Variants in ATF6B observed in about 807,000 individuals in gnomAD.
ATF6B encodes the protein activating transcription factor 6 beta.
ATF6B carries 50 observed loss-of-function variants against 83.5 expected under a neutral mutation model. The observed-to-expected ratio is 0.60, with a 90% CI of 0.48 to 0.76. The LOEUF (loss-of-function observed/expected upper bound fraction) is 0.76. Ranked by LOEUF, ATF6B falls within the 30% of genes least tolerant of loss-of-function variation. ATF6B has a pLI of 0.00. For missense variants in ATF6B, 790 were observed against 893.8 expected, an observed-to-expected ratio of 0.88 and a Z score of 1.48; for synonymous variants, 344 against 362.8, an observed-to-expected ratio of 0.95 and a Z score of 0.59.
At position 32,128,173 on chromosome 6, in the gene ATF6B, T is replaced by G. The variant is rs763900279; in HGVS notation, c.35A>C (p.Asp12Ala). The change falls in exon 1 of 18, where the codon GAC (aspartate) becomes GCC (alanine). Residue 12 changes from aspartate (D) to alanine (A), a missense_variant. By Grantham distance (126) the Asp-to-Ala change is moderately radical. Transcript: ENST00000375203. Reference protein sequence around the residue: ...AELMLLSEIADPTRFFTDNLL... With the variant: ...AELMLLSEIAAPTRFFTDNLL... ...GTTGTCGGTGAAGAAACGCGTCGGG[T>G]CAGCAATCTCGCTGAGCAGCATCAG... 8.4e-5 allele frequency: 136 copies of G among 1,612,272 alleles called. No homozygotes were observed. The highest frequency in any genetic ancestry group is 1.1e-4 in the Non-Finnish European group (132 of 1,179,790).
intron 5 of ATF6B, 35 bp downstream of exon 5, chr6:32,126,082 T>G (rs757401798): frequency 6.2e-7 from 1 of 1,613,452 alleles, no homozygotes; most frequent in African/African-American, 1.3e-5. Context: ...TCTCCCGTAG[T>G]AGAGCCAAGG....
In ATF6B at chr6:32,115,857, G is replaced by T; in HGVS notation, c.1994C>A (p.Ser665Ter). The T allele has an allele frequency of 3.7e-6, 6 of 1,614,176 alleles. No homozygotes were observed. The highest frequency in any genetic ancestry group is 5.1e-6 in the Non-Finnish European group (6 of 1,180,024). ...GGTTGGGGATGGCTGTTTTCGGAGC[G>T]AGGGGGGCACTGTGGAGGTCTTGAT... ...IHIKTSTVPP[S>*]LRKQPSPTPG... Residue 665 changes from serine (S) to a stop codon, truncating the protein, a stop_gained, in exon 18 of 18, where the codon TCG becomes TAG. Transcript: ENST00000375203. LOFTEE classifies it high-confidence loss of function.
rs1781500707 is a variant in ATF6B, at chr6:32,115,763, CTGG to C, written c.2085_2087del (p.His695del). ...GTCAGGGATGATTGAGGTAGAGGGG[CTGG>C]TGGGAGGCCTGGTGGGCCTGGCTGG... On this transcript the variant is annotated inframe_deletion, in exon 18 of 18. Transcript: ENST00000375203. The C allele has an allele frequency of 6.2e-7, 1 of 1,607,038 alleles. No homozygotes were observed. Among genetic ancestry groups the C allele is most frequent in the African/African-American group, 1.3e-5 (1 of 74,906 alleles).
In ATF6B at chr6:32,116,387, C is replaced by G; in HGVS notation, c.1882+93G>C. On this transcript the variant is annotated intron_variant, in intron 17 of 17. Coordinates refer to ENST00000375203, the MANE Select transcript of ATF6B (RefSeq NM_004381.5). The surrounding 1 kb of genome is among the most constrained non-coding windows in gnomAD (Gnocchi z 5.1). ...TCTCACCTGTGGGTCCAGCAGCTCTCTGGATGCCCTGCTCCTCTCCCCCTT... is the reference window on the plus strand; with the variant it reads ...TCTCACCTGTGGGTCCAGCAGCTCTGTGGATGCCCTGCTCCTCTCCCCCTT... 8.1e-7 allele frequency: 1 copy of G among 1,239,600 alleles called. No homozygotes were observed. The highest frequency in any genetic ancestry group is 2.5e-5 in the East Asian group (1 of 40,698). 76.8% of individuals were successfully genotyped at this position (1,239,600 alleles called of 1,614,324 possible). A position where few individuals can be genotyped will look rare whatever the true frequency, so the allele number is the denominator to read the frequency against.
Position 32,127,176 on chromosome 6 carries a change from T to C in ATF6B, c.269A>G (p.Glu90Gly), listed in dbSNP as rs1782016079. ...PIFPDLQVKS[E>G]PSSPCSSSSL... Reference sequence around the variant, plus strand: ...GGAGGAAGAGCAGGGGGAAGATGGCTCAGACTTCACCTGAAGATCTGGAGG... The same window carrying C: ...GGAGGAAGAGCAGGGGGAAGATGGCCCAGACTTCACCTGAAGATCTGGAGG... The change falls in exon 4 of 18, where the codon GAG (glutamate) becomes GGG (glycine). Residue 90 changes from glutamate (E) to glycine (G), a missense_variant. By Grantham distance (98) the Glu-to-Gly change is moderately conservative (BLOSUM62 -2). Transcript: ENST00000375203. 1 of 1,611,164 alleles carries C rather than the reference T, an allele frequency of 6.2e-7. No individual in the cohort carries two copies. The highest frequency in any genetic ancestry group is 1.3e-5 in the African/African-American group (1 of 74,858).
rs142969170 is a variant in ATF6B at position 32,121,246 on chromosome 6, A to G, written c.564+17T>C. 5.0e-6 allele frequency: 8 copies of G among 1,613,594 alleles called. No homozygotes were observed. The East Asian group carries it at 1.8e-4, about 36-fold the overall frequency. ...CTCACTGGAAAACCTGGAGGAAGGAAGGAAGGTGGTGCTCACCTGGCTGGA... is the reference window on the plus strand; with the variant it reads ...CTCACTGGAAAACCTGGAGGAAGGAGGGAAGGTGGTGCTCACCTGGCTGGA... On this transcript the variant is annotated intron_variant, in intron 6 of 17. Coordinates refer to ENST00000375203, the MANE Select transcript of ATF6B (RefSeq NM_004381.5).
At position 32,121,243 on chromosome 6, in the gene ATF6B, G is replaced by A. The variant is rs762540133; in HGVS notation, c.564+20C>T. 6.2e-7 allele frequency: 1 copy of A among 1,613,362 alleles called. No individual in the cohort carries two copies. The highest frequency in any genetic ancestry group is 1.3e-5 in the African/African-American group (1 of 75,060). On this transcript the variant is annotated intron_variant, in intron 6 of 17. Transcript: ENST00000375203. ...GAACTCACTGGAAAACCTGGAGGAA[G>A]GAAGGAAGGTGGTGCTCACCTGGCT...
At position 32,117,977 on chromosome 6, in the gene ATF6B, G is replaced by C; in HGVS notation, c.1306C>G (p.Arg436Gly). Reference protein sequence around the residue: ...PRMNKGEPQPRRHLLGFSEQE... With the variant: ...PRMNKGEPQPGRHLLGFSEQE... The stretch of plus-strand genomic sequence containing the variant: ...TCTGAGAACCCCAGCAAGTGTCTCC[G>C]GGGTTGAGGCTCCCCCTTGTTCATC... Residue 436 changes from arginine (R) to glycine (G), a missense_variant, in exon 12 of 18, where the codon CGG becomes GGG. This residue lies in a region of ATF6B where 530 missense variants were observed against 632.6 expected (regional missense o/e 0.84). Coordinates refer to ENST00000375203, the MANE Select transcript of ATF6B (RefSeq NM_004381.5). The surrounding 1 kb of genome is among the most constrained non-coding windows in gnomAD (Gnocchi z 5.0). 1 of 1,613,986 alleles carries C rather than the reference G, an allele frequency of 6.2e-7. No homozygotes were observed. Among genetic ancestry groups the C allele is most frequent in the Non-Finnish European group, 8.5e-7 (1 of 1,179,968 alleles).
rs1207087539 is a variant in ATF6B at position 32,121,107 on chromosome 6, C to G, written c.582G>C (p.Glu194Asp). 1 of 1,574,926 alleles carries G rather than the reference C, an allele frequency of 6.3e-7. No individual in the cohort carries two copies. The highest frequency in any genetic ancestry group is 8.6e-7 in the Non-Finnish European group (1 of 1,162,046). Reference sequence around the variant, plus strand: ...GGGACTCTGTCTTCACTTCCAGGACCTCCTCTCCTATAAAAGCCTATGTGG... The same window carrying G: ...GGGACTCTGTCTTCACTTCCAGGACGTCCTCTCCTATAAAAGCCTATGTGG... ...DSSSQAFIGE[E>D]VLEVKTESLS... The change falls in exon 7 of 18, where the codon GAG becomes GAC. Residue 194 changes from glutamate to aspartate, a missense_variant. Transcript: ENST00000375203.
At chr6:32,120,575 C>T (rs566759158) in intron 8 of ATF6B, 196 bp downstream of exon 8, 32 of 547,822 alleles carry the variant, frequency 5.8e-5, no homozygotes, top group African/African-American at 4.9e-4. Context: ...CTCAGCCTCC[C>T]GAGGAGCTGG....
In ATF6B at chr6:32,115,523, A is replaced by G. The variant is rs8283; in HGVS notation, c.*216T>C. On this transcript the variant is annotated 3_prime_UTR_variant, in exon 18 of 18. Transcript: ENST00000375203. ...CACAATCCCCTCAAACAAAGAAGCC[A>G]GGACTGGGGGTTCACAGGAATGAGA... 0.22 allele frequency: 99,991 copies of G among 448,564 alleles called. 13,151 individuals carry two copies. The highest frequency in any genetic ancestry group is 0.46 in the South Asian group (6,410 of 14,018). The allele number at this position is 448,564 out of a possible 1,614,324, so 27.8% of individuals were successfully genotyped here.
Position 32,123,070 on chromosome 6 carries a change from T to C in ATF6B, c.479-1722A>G, listed in dbSNP as rs140284006. On this transcript the variant is annotated intron_variant, in intron 5 of 17. Transcript: ENST00000375203. ...GGCAAAACCCTGTCTCTACCAAAAA[T>C]ACAAAAAAATAGCCGGACATGGTGG... 3.4e-3 allele frequency among the ~76,000 whole-genome samples: 512 copies of C among 150,512 alleles called. 12 individuals are homozygous for C. The East Asian group carries it at 0.071, about 21-fold the overall frequency.
In ATF6B at chr6:32,116,406, C is replaced by A. The variant is rs912529092; in HGVS notation, c.1882+74G>T. On this transcript the variant is annotated intron_variant, in intron 17 of 17. Transcript: ENST00000375203. This position sits in a 1 kb window ranked among gnomAD's most constrained non-coding sequence, Gnocchi z 5.1. ...AGCTCTCTGGATGCCCTGCTCCTCT[C>A]CCCCTTCCCCCTCAGCTCCCAGGCT... 9 of 1,432,580 alleles carry A rather than the reference C, an allele frequency of 6.3e-6. No individual in the cohort carries two copies. Among genetic ancestry groups the A allele is most frequent in the Non-Finnish European group, 8.6e-6 (9 of 1,046,822 alleles). 88.7% of individuals were successfully genotyped at this position (1,432,580 alleles called of 1,614,324 possible).
chr6:32,120,814 G>A lies in ATF6B; in HGVS notation c.789C>T (p.Pro263=), dbSNP rs1781732998. The part of the protein sequence containing the change: ...TVPMPSRAVP[P]STTVLLQSLV... Reference sequence around the variant, plus strand: ...GGGACTGCAGAAGGACTGTGGTGCTGGGAGGCACAGCTCTGGATGGCATTG... The same window carrying A: ...GGGACTGCAGAAGGACTGTGGTGCTAGGAGGCACAGCTCTGGATGGCATTG... Residue 263 remains proline (P), a synonymous_variant, in exon 8 of 18, where the codon CCC becomes CCT. Coordinates refer to ENST00000375203, the MANE Select transcript of ATF6B (RefSeq NM_004381.5). 1 of 1,610,210 alleles carries A rather than the reference G, an allele frequency of 6.2e-7. No individual in the cohort carries two copies. Among genetic ancestry groups the A allele is most frequent in the African/African-American group, 1.3e-5 (1 of 74,788 alleles).
Position 32,119,677 on chromosome 6 carries a change from TGAC to T in ATF6B, c.966+144_966+146del. The T allele has an allele frequency of 1.7e-6, 2 of 1,206,602 alleles. No homozygotes were observed. The highest frequency in any genetic ancestry group is 2.3e-6 in the Non-Finnish European group (2 of 868,586). 74.7% of individuals were successfully genotyped at this position (1,206,602 alleles called of 1,614,324 possible). On this transcript the variant is annotated intron_variant, in intron 9 of 17. Coordinates refer to ENST00000375203, the MANE Select transcript of ATF6B (RefSeq NM_004381.5). The surrounding 1 kb of genome is among the most constrained non-coding windows in gnomAD (Gnocchi z 4.9). ...TTCATATAGAAACAGGAGTCCATTC[TGAC>T]CCTCAGAATGATCTAATGGGTCCGT...
rs1781934320 is a variant in ATF6B at position 32,125,510 on chromosome 6, T to C, written c.478+607A>G. 6.6e-6 allele frequency among the ~76,000 whole-genome samples: 1 copy of C among 152,136 alleles called. No homozygotes were observed. Among genetic ancestry groups the C allele is most frequent in the African/African-American group, 2.4e-5 (1 of 41,422 alleles). On this transcript the variant is annotated intron_variant, in intron 5 of 17. Transcript: ENST00000375203. The surrounding 1 kb of genome is among the most constrained non-coding windows in gnomAD (Gnocchi z 4.1). ...GGCGCGATGGCTCACGCCTGTAATC[T>C]CAGCACTTTGGGAGGCGGAGGTAGG...
chr6:32,126,952 C>T (rs1019539442), intron 4 of ATF6B, 151 bp downstream of exon 4: 7 of 516,712 alleles, frequency 1.4e-5, no homozygotes, highest in South Asian at 5.7e-5. Context: ...ATTAAGGAAA[C>T]GGCAAAGGTA....
At position 32,116,460 on chromosome 6, in the gene ATF6B, C is replaced by T. The variant is rs376832014; in HGVS notation, c.1882+20G>A. On this transcript the variant is annotated intron_variant, in intron 17 of 17. Transcript: ENST00000375203. This position sits in a 1 kb window ranked among gnomAD's most constrained non-coding sequence, Gnocchi z 5.1. The stretch of plus-strand genomic sequence containing the variant: ...TCTCCCTGTTGGAACTGCCCCCATA[C>T]CCAGCAGGGAAAGAGTTACCATTGG... 1.2e-5 allele frequency: 20 copies of T among 1,605,850 alleles called. No individual in the cohort carries two copies. The highest frequency in any genetic ancestry group is 6.7e-5 in the Admixed American group (4 of 59,486).
Position 32,120,988 on chromosome 6 carries a change from C to A in ATF6B, c.700+1G>T. The A allele has an allele frequency of 1.3e-6, 2 of 1,522,060 alleles. No homozygotes were observed. The highest frequency in any genetic ancestry group is 1.8e-6 in the Non-Finnish European group (2 of 1,136,732). 94.3% of individuals were successfully genotyped at this position (1,522,060 alleles called of 1,614,324 possible). ...TTCCAAGTGTCAGGAGACTCCATTA[C>A]CTGAGGAGCCATCAAGGGATGGGCC... On this transcript the variant is annotated splice_donor_variant, in intron 7 of 17. Coordinates refer to ENST00000375203, the MANE Select transcript of ATF6B (RefSeq NM_004381.5). LOFTEE classifies it high-confidence loss of function.
Sources: gnomAD v4.1 joint callset for allele counts (sites outside exome capture counted in the v4.1 genomes callset) on GRCh38, gnomAD v4.1.1 for gene constraint, gnomAD v4.1.1 regional missense constraint, Gnocchi (gnomAD v3.1) non-coding constraint, MANE v1.5 for transcripts, NCBI Gene and HGNC (gene_info 2026-07-23, HGNC 2026-07-21) for gene names.